Variants in STARD13 observed in about 807,000 individuals in gnomAD.
STARD13 encodes StAR related lipid transfer domain containing 13.
A neutral mutation model predicts 106.4 loss-of-function variants in STARD13; 62 were observed. The observed-to-expected ratio is 0.58, with a 90% CI of 0.48 to 0.72. The LOEUF is 0.72. Among genes scored for constraint, STARD13 ranks in the 30% least tolerant of loss-of-function variants. The pLI is 0.00. For synonymous variants in STARD13, 565 were observed against 553.0 expected (o/e 1.02, Z -0.31); for missense variants, 1,387 against 1,424.0 (o/e 0.97, Z 0.42).
the STARD13 span, among the ~76,000 whole-genome samples, chr13:33,364,858 C>T: frequency 2.0e-5 from 3 of 152,048 alleles, no homozygotes; most frequent in Non-Finnish European, 4.4e-5. Context: ...CACTGCACTC[C>T]AGCCTGGGAG....
the STARD13 span, among the ~76,000 whole-genome samples, chr13:33,626,130 AACAC>A: frequency 6.6e-6 from 1 of 151,616 alleles, no homozygotes; most frequent in African/African-American, 2.4e-5. Context: ...CTACATCAGA[AACAC>A]ACACACACAC....
At chr13:33,225,106 G>A (rs569033841) in intron 1 of STARD13, among the ~76,000 whole-genome samples, 1 of 152,112 alleles carries the variant, frequency 6.6e-6, no homozygotes, top group East Asian at 1.9e-4. Context: ...TTTCTAAACG[G>A]AATATACATA....
chr13:33,486,555 A>C, the STARD13 span, among the ~76,000 whole-genome samples: 3 of 152,214 alleles, frequency 2.0e-5, no homozygotes, highest in Non-Finnish European at 2.9e-5. Context: ...TACCACTGTA[A>C]ATTCAAACTC....
At chr13:33,596,149 G>A in the STARD13 span, among the ~76,000 whole-genome samples, 2 of 152,090 alleles carry the variant, frequency 1.3e-5, no homozygotes, top group African/African-American at 2.4e-5. Flanking sequence ...CTTGTGTATG[G>A]TAATAGTATA....
Position 33,104,812 on chromosome 13 carries a change from A to G in STARD13, c.*781T>C, listed in dbSNP as rs1198849182. The G allele has an allele frequency of 6.5e-6, 1 of 153,502 alleles. No individual in the cohort carries two copies. 9.5% of individuals were successfully genotyped at this position (153,502 alleles called of 1,614,324 possible). A position where few individuals can be genotyped will look rare whatever the true frequency, so the allele number is the denominator to read the frequency against. Reference sequence around the variant, plus strand: ...TCACTCTCGCTGACTCCGGTGGTCCATATCTCACTGAAATTCCATCTTACT... The same window carrying G: ...TCACTCTCGCTGACTCCGGTGGTCCGTATCTCACTGAAATTCCATCTTACT... On this transcript the variant is annotated 3_prime_UTR_variant, in exon 14 of 14. Transcript: ENST00000336934.
At chr13:33,359,115 C>T in the STARD13 span, among the ~76,000 whole-genome samples, 43 of 152,280 alleles carry the variant, frequency 2.8e-4, no homozygotes, top group Admixed American at 6.5e-4. Flanking sequence ...ATTGGCAACC[C>T]GCTCAGGTTG....
the STARD13 span, among the ~76,000 whole-genome samples, chr13:33,612,759 T>C: frequency 2.0e-5 from 3 of 152,164 alleles, no homozygotes; most frequent in Admixed American, 6.5e-5. Flanking sequence ...TTAAACAGTT[T>C]AATGTGTTGC....
At chr13:33,201,006 AC>A (rs1315189738) in intron 1 of STARD13, among the ~76,000 whole-genome samples, 1 of 152,158 alleles carries the variant, frequency 6.6e-6, no homozygotes, top group Non-Finnish European at 1.5e-5. Context: ...AGCCTGGGTG[AC>A]AGAGTGAGAT....
chr13:33,650,628 G>A, the STARD13 span, among the ~76,000 whole-genome samples: 1 of 152,332 alleles, frequency 6.6e-6, no homozygotes. Flanking sequence ...ATTGGTCCTG[G>A]AGGGATAAAA....
At chr13:33,359,662 C>A in the STARD13 span, 1 of 150,912 alleles carries the variant, frequency 6.6e-6, no homozygotes, top group Non-Finnish European at 1.5e-5. Flanking sequence ...AAGACTCCAT[C>A]TCAAAAAAAA....
chr13:33,532,294 A>T, the STARD13 span, among the ~76,000 whole-genome samples: 162 of 152,336 alleles, frequency 1.1e-3, 2 homozygotes, highest in East Asian at 0.029. Context: ...AATGAAAAAA[A>T]CTGAAGTTTA....
At chr13:33,440,767 ATTTTTTTTTTTT>A in the STARD13 span, among the ~76,000 whole-genome samples, 60 of 60,116 alleles carry the variant, frequency 1.0e-3, no homozygotes, top group African/African-American at 3.8e-3. Flanking sequence ...GAAAACAGCG[ATTTTTTTTTTTT>A]TTTTTTTTTT....
At chr13:33,257,647 T>A (rs1594176483) in intron 1 of STARD13, among the ~76,000 whole-genome samples, 1 of 152,208 alleles carries the variant, frequency 6.6e-6, no homozygotes, top group Non-Finnish European at 1.5e-5. Flanking sequence ...TTCAGAAATA[T>A]AATCTCCAAG....
At chr13:33,317,134 A>G (rs914509364) in intron 1 of STARD13, among the ~76,000 whole-genome samples, 1 of 152,044 alleles carries the variant, frequency 6.6e-6, no homozygotes, top group Non-Finnish European at 1.5e-5. Flanking sequence ...TTACTGGGTG[A>G]TCTCATACAT....
At chr13:33,514,043 G>A in the STARD13 span, among the ~76,000 whole-genome samples, 1 of 152,140 alleles carries the variant, frequency 6.6e-6, no homozygotes, top group Admixed American at 6.6e-5. Flanking sequence ...CCTGTAGCTT[G>A]TAATTAACTA....
chr13:33,489,190 C>T, the STARD13 span, among the ~76,000 whole-genome samples: 1 of 152,160 alleles, frequency 6.6e-6, no homozygotes, highest in African/African-American at 2.4e-5. Flanking sequence ...TTCCTCTGGT[C>T]AATGATTAAT....
chr13:33,209,707 T>A (rs1015970144), intron 1 of STARD13, among the ~76,000 whole-genome samples: 1 of 152,090 alleles, frequency 6.6e-6, no homozygotes, highest in Non-Finnish European at 1.5e-5. Context: ...CTGTAGTGGC[T>A]CACGTGCACT....
At position 33,247,224 on chromosome 13, in the gene STARD13, A is replaced by T. The variant is rs372298303; in HGVS notation, c.169+38246T>A. On this transcript the variant is annotated intron_variant, in intron 1 of 13. Transcript: ENST00000336934. ...ATAAATAAATAAATAAATAAATTAA[A>T]TAAATAAATAAATAAATAAAACGGC... 7.2e-3 allele frequency among the ~76,000 whole-genome samples: 664 copies of T among 91,756 alleles called. 4 individuals are homozygous for T. The highest frequency in any genetic ancestry group is 0.021 in the African/African-American group (588 of 28,408). 60.2% of individuals were successfully genotyped at this position (91,756 alleles called of 152,430 possible).
the STARD13 span, among the ~76,000 whole-genome samples, chr13:33,423,329 A>G: frequency 6.6e-6 from 1 of 152,276 alleles, no homozygotes; most frequent in Non-Finnish European, 1.5e-5. Context: ...TGCAGCCAAC[A>G]GACACATGAA....
Sources: allele counts gnomAD v4.1 joint callset (sites outside exome capture counted in the v4.1 genomes callset), GRCh38; gene constraint gnomAD v4.1.1; transcripts MANE v1.5; gene names NCBI Gene and HGNC (gene_info 2026-07-23, HGNC 2026-07-21).